The following ZFHX3 variants were observed in gnomAD, a reference collection of about 807,000 sequenced individuals.
ZFHX3 encodes the protein zinc finger homeobox protein 3.
In ZFHX3, 42 loss-of-function variants were observed where a neutral mutation model predicts 279.1. The ratio of observed to expected loss-of-function variants is 0.15; its 90% CI spans 0.12 to 0.19. The LOEUF (loss-of-function observed/expected upper bound fraction) is 0.19. ZFHX3 is among the 10% of genes least tolerant of loss of function. ZFHX3 has a pLI of 1.00. For synonymous variants in ZFHX3, 2,293 were observed against 1,957.8 expected, an observed-to-expected ratio of 1.17 and a Z score of -4.52; for missense variants, 4,981 against 4,754.0, an observed-to-expected ratio of 1.05 and a Z score of -1.40.
At chr16:72,802,429 A>C (rs1381154104) in intron 7 of ZFHX3, among the ~76,000 whole-genome samples, 1 of 152,046 alleles carries the variant, frequency 6.6e-6, no homozygotes, top group Non-Finnish European at 1.5e-5. Context: ...ATAATCATCA[A>C]CCTCACATGC....
intron 3 of ZFHX3, among the ~76,000 whole-genome samples, chr16:73,329,493 G>A (rs935532160): frequency 2.6e-5 from 4 of 152,222 alleles, no homozygotes; most frequent in African/African-American, 9.6e-5. Context: ...ATCCTCATTG[G>A]CATGCCAGCT....
chr16:73,019,074 A>G (rs1964203340), intron 1 of ZFHX3, among the ~76,000 whole-genome samples: 1 of 152,250 alleles, frequency 6.6e-6, no homozygotes, highest in Non-Finnish European at 1.5e-5. Flanking sequence ...ATAAAACAGC[A>G]AAACATCCGG....
At position 72,959,617 on chromosome 16, in the gene ZFHX3, C is replaced by G. The variant is rs772845316; in HGVS notation, c.529G>C (p.Ala177Pro). 4.3e-6 allele frequency: 7 copies of G among 1,613,988 alleles called. No homozygotes were observed. Among genetic ancestry groups the G allele is most frequent in the Non-Finnish European group, 5.9e-6 (7 of 1,180,038 alleles). ...PSLFLNSLPG[A>P]GGKQGDPSCA... is the part of the protein sequence containing the mutation. ...GAAGGGTCCCCTTGCTTGCCCCCCG[C>G]GCCAGGGAGAGAGTTCAGGAAAAGC... The change falls in exon 2 of 10, where the codon GCG becomes CCG. Residue 177 changes from alanine to proline, a missense_variant. By Grantham distance (27) the Ala-to-Pro change is conservative. Coordinates refer to ENST00000268489, the MANE Select transcript of ZFHX3 (RefSeq NM_006885.4).
intron 2 of ZFHX3, among the ~76,000 whole-genome samples, chr16:73,506,208 A>G (rs2019323674): frequency 6.6e-6 from 1 of 152,224 alleles, no homozygotes; most frequent in South Asian, 2.1e-4. Context: ...TGAAATGCCT[A>G]GATTTTTAAC....
At chr16:72,951,524 A>G (rs1244058045) in intron 2 of ZFHX3, among the ~76,000 whole-genome samples, 1 of 152,334 alleles carries the variant, frequency 6.6e-6, no homozygotes, top group South Asian at 2.1e-4. Flanking sequence ...GGCCACCCAA[A>G]GTGCTAGAAT....
chr16:73,038,205 G>A (rs772253750), intron 1 of ZFHX3, among the ~76,000 whole-genome samples: 9 of 151,868 alleles, frequency 5.9e-5, no homozygotes, highest in Non-Finnish European at 1.3e-4. Flanking sequence ...AGTCCACGGG[G>A]CCCTCGGGAT....
Position 73,318,054 on chromosome 16 carries a change from C to G in ZFHX3, c.-1194+186G>C, listed in dbSNP as rs565187542. ...AGAGGATAAGAATGCAAATGCCAAA[C>G]CAGAAGTGCACATTAGTCCTGGTCC... On this transcript the variant is annotated intron_variant, in intron 4 of 17. Transcript: ENST00000641206. Among the ~76,000 whole-genome samples, 21 of 152,292 alleles carry G rather than the reference C, an allele frequency of 1.4e-4. No homozygotes were observed. The East Asian group carries it at 4.1e-3, about 29-fold the overall frequency.
chr16:72,884,989 A>C (rs1490366285), intron 4 of ZFHX3, among the ~76,000 whole-genome samples: 1 of 152,276 alleles, frequency 6.6e-6, no homozygotes, highest in African/African-American at 2.4e-5. Context: ...AAAAACACTC[A>C]AGCCAATAAA....
chr16:73,111,182 C>A (rs1448517459), intron 7 of ZFHX3, among the ~76,000 whole-genome samples: 1 of 152,212 alleles, frequency 6.6e-6, no homozygotes, highest in East Asian at 1.9e-4. Context: ...CTCAAGTGAT[C>A]TGTCTGCCTC....
intron 2 of ZFHX3, chr16:73,504,409 T>C (rs1002833199): frequency 6.6e-6 from 1 of 152,220 alleles, no homozygotes; most frequent in Non-Finnish European, 1.5e-5. Flanking sequence ...TTTGGTTTAT[T>C]TCTGCATCAG....
chr16:73,273,647 CT>C (rs1466345281), intron 4 of ZFHX3, among the ~76,000 whole-genome samples: 3 of 152,154 alleles, frequency 2.0e-5, no homozygotes, highest in Non-Finnish European at 2.9e-5. Context: ...ATCTAGCCCC[CT>C]CTTTGTAAAG....
chr16:73,273,881 G>A (rs112455592), intron 4 of ZFHX3, among the ~76,000 whole-genome samples: 7,186 of 152,254 alleles, frequency 0.047, 311 homozygotes, highest in East Asian at 0.19. Flanking sequence ...GGTGGCTCAC[G>A]CCTGTAATCC....
chr16:72,812,167 A>G, intron 5 of ZFHX3, 129 bp from the exon 6 acceptor site: 2 of 1,306,546 alleles, frequency 1.5e-6, no homozygotes, highest in African/African-American at 1.5e-5. Context: ...TTCAAGAAGG[A>G]TGAACATCCG....
intron 7 of ZFHX3, among the ~76,000 whole-genome samples, chr16:73,103,385 G>A (rs534734117): frequency 1.9e-4 from 29 of 152,206 alleles, no homozygotes; most frequent in African/African-American, 6.7e-4. Flanking sequence ...CCTTCAACAA[G>A]TCCTGTGCGC....
intron 1 of ZFHX3, among the ~76,000 whole-genome samples, chr16:73,039,676 G>A (rs1965041747): frequency 6.6e-6 from 1 of 152,160 alleles, no homozygotes; most frequent in South Asian, 2.1e-4. Context: ...CCAGGCCTGA[G>A]ATCCACCCAA....
intron 4 of ZFHX3, among the ~76,000 whole-genome samples, chr16:72,858,066 C>A (rs1428405082): frequency 6.6e-6 from 1 of 152,352 alleles, no homozygotes; most frequent in African/African-American, 2.4e-5. Flanking sequence ...CTTCCCTGAT[C>A]TGGTGCGGCG....
At chr16:73,257,986 C>T (rs1000817861) in intron 4 of ZFHX3, among the ~76,000 whole-genome samples, 6 of 152,188 alleles carry the variant, frequency 3.9e-5, no homozygotes, top group African/African-American at 1.4e-4. Context: ...CATTTCTGGC[C>T]TCCAGATGCC....
intron 2 of ZFHX3, among the ~76,000 whole-genome samples, chr16:73,485,424 GAAAAAAAAA>G (rs796678890): frequency 2.2e-5 from 1 of 45,258 alleles, no homozygotes; most frequent in South Asian, 5.4e-4. Flanking sequence ...GGGTGAGGGA[GAAAAAAAAA>G]AAAAAAAAAA....
chr16:73,494,209 T>C (rs2019098765), intron 2 of ZFHX3, among the ~76,000 whole-genome samples: 1 of 152,196 alleles, frequency 6.6e-6, no homozygotes, highest in Non-Finnish European at 1.5e-5. Context: ...GGTCCCTAAG[T>C]GGCGATTTGT....
Sources: gnomAD v4.1 joint callset for allele counts (sites outside exome capture counted in the v4.1 genomes callset) on GRCh38, gnomAD v4.1.1 for gene constraint, MANE v1.5 for transcripts, NCBI Gene and HGNC (gene_info 2026-07-23, HGNC 2026-07-21) for gene names.